The following NPIPB2 variants were observed in gnomAD, a reference collection of about 807,000 sequenced individuals.
NPIPB2 encodes the protein nuclear pore complex-interacting protein family member B2.
NPIPB2 carries 27 observed loss-of-function variants against 30.8 expected under a neutral mutation model. The ratio of observed to expected loss-of-function variants is 0.88; its 90% CI spans 0.65 to 1.21. The LOEUF (loss-of-function observed/expected upper bound fraction) is 1.21, where lower values mean the gene tolerates loss of function less well. Ranked by LOEUF, NPIPB2 falls within the 50% of genes most tolerant of loss-of-function variation. NPIPB2 has a pLI of 0.00. For missense variants in NPIPB2, 440 were observed against 446.2 expected, an observed-to-expected ratio of 0.99 and a Z score of 0.13; for synonymous variants, 147 against 162.0, an observed-to-expected ratio of 0.91 and a Z score of 0.70.
At chr16:11,932,468 C>G (rs2054802752) in intron 4 of NPIPB2, among the ~76,000 whole-genome samples, 1 of 151,514 alleles carries the variant, frequency 6.6e-6, no homozygotes, top group Admixed American at 6.6e-5. Flanking sequence ...ATGGTGAACC[C>G]CTGTCTCTAC....
intron 1 of NPIPB2, among the ~76,000 whole-genome samples, chr16:11,957,303 T>C (rs2055120028): frequency 6.6e-6 from 1 of 152,032 alleles, no homozygotes; most frequent in African/African-American, 2.4e-5. Context: ...TAGCTGGGAC[T>C]ACAGGCGTGT....
At chr16:11,946,078 G>A (rs1286132337), upstream of NPIPB2, among the ~76,000 whole-genome samples, 1 of 151,526 alleles carries the variant, frequency 6.6e-6, no homozygotes, top group Non-Finnish European at 1.5e-5. Context: ...AGAAAGAAAG[G>A]AAGGAAGGAA....
chr16:11,972,585 G>GA (rs1029685912), intron 1 of NPIPB2, among the ~76,000 whole-genome samples: 2 of 150,644 alleles, frequency 1.3e-5, no homozygotes, highest in African/African-American at 2.4e-5. Flanking sequence ...CAAAAAAAAA[G>GA]AAAAAAAAGC....
At chr16:11,975,504 C>G (rs1596512094) in intron 1 of NPIPB2, among the ~76,000 whole-genome samples, 1 of 152,076 alleles carries the variant, frequency 6.6e-6, no homozygotes, top group South Asian at 2.1e-4. Context: ...CATGTCTTGC[C>G]TGGACAACTG....
At chr16:11,962,059 G>T (rs1164155395) in intron 1 of NPIPB2, among the ~76,000 whole-genome samples, 1 of 151,904 alleles carries the variant, frequency 6.6e-6, no homozygotes, top group Non-Finnish European at 1.5e-5. Flanking sequence ...AATTAGCTGG[G>T]CATGGTGGCA....
chr16:11,940,598 G>A (rs867088250), intron 1 of NPIPB2, among the ~76,000 whole-genome samples: 10 of 134,960 alleles, frequency 7.4e-5, no homozygotes, highest in Middle Eastern at 7.4e-3. Context: ...TTAGCCAGGC[G>A]TGGTGGTCTA....
chr16:11,974,222 C>A (rs1257342846), intron 1 of NPIPB2, among the ~76,000 whole-genome samples: 1 of 152,104 alleles, frequency 6.6e-6, no homozygotes, highest in South Asian at 2.1e-4. Flanking sequence ...TTCATTATTA[C>A]AGAGAATGCT....
At chr16:11,972,499 T>G (rs2055241946) in intron 1 of NPIPB2, among the ~76,000 whole-genome samples, 1 of 151,508 alleles carries the variant, frequency 6.6e-6, no homozygotes, top group Non-Finnish European at 1.5e-5. Flanking sequence ...CACCTGAACC[T>G]GGGAGGCGGA....
intron 1 of NPIPB2, among the ~76,000 whole-genome samples, chr16:11,952,457 G>T (rs1252466460): frequency 2.6e-5 from 4 of 152,064 alleles, no homozygotes. Context: ...CTGTTGTCAT[G>T]TACATGATAT....
exon 8 of NPIPB2, chr16:11,927,547 C>A (rs574332477): frequency 5.0e-6 from 8 of 1,604,408 alleles, no homozygotes; most frequent in Admixed American, 3.3e-5. Context: ...CCGCTCTCCA[C>A]CTCTTGGGTT....
Position 11,941,965 on chromosome 16 carries a change from G to C in NPIPB2, c.63+18C>G, listed in dbSNP as rs1413850199. The C allele has an allele frequency of 2.0e-6, 2 of 1,024,226 alleles. No homozygotes were observed. Among genetic ancestry groups the C allele is most frequent in the African/African-American group, 3.3e-5 (2 of 60,784 alleles). The allele number at this position is 1,024,226 out of a possible 1,614,324, so 63.4% of individuals were successfully genotyped here. A position where few individuals can be genotyped will look rare whatever the true frequency, so the allele number is the denominator to read the frequency against. ...ATAAAAAACAAATGATGGCAGGATGGCAGGAAGAACCTCATACCCAAGCAG... is the reference window on the plus strand; with the variant it reads ...ATAAAAAACAAATGATGGCAGGATGCCAGGAAGAACCTCATACCCAAGCAG... On this transcript the variant is annotated intron_variant, in intron 1 of 7. Transcript: ENST00000399147.
chr16:11,927,650 G>T (rs773249518), exon 8 of NPIPB2: 29 of 1,598,616 alleles, frequency 1.8e-5, no homozygotes, highest in Non-Finnish European at 2.2e-5. Context: ...TGGAAGGGGA[G>T]TGAGCAGACA....
intron 1 of NPIPB2, among the ~76,000 whole-genome samples, chr16:11,954,987 C>G (rs1257596445): frequency 6.6e-6 from 1 of 152,034 alleles, no homozygotes; most frequent in African/African-American, 2.4e-5. Flanking sequence ...ATATCCATCA[C>G]CCATCAAATC....
chr16:11,933,105 A>C, intron 4 of NPIPB2, among the ~76,000 whole-genome samples: 1 of 151,922 alleles, frequency 6.6e-6, no homozygotes, highest in Non-Finnish European at 1.5e-5. Context: ...TAGTAAAAAT[A>C]CAAAAATTAG....
chr16:11,946,869 G>A (rs1189046965), upstream of NPIPB2, among the ~76,000 whole-genome samples: 5 of 151,490 alleles, frequency 3.3e-5, no homozygotes, highest in African/African-American at 9.7e-5. Flanking sequence ...ACAGGCGCCC[G>A]CCACCACACC....
intron 1 of NPIPB2, among the ~76,000 whole-genome samples, chr16:11,964,380 G>A (rs2055177049): frequency 6.6e-6 from 1 of 151,190 alleles, no homozygotes; most frequent in South Asian, 2.1e-4. Context: ...GGCATTGTGC[G>A]TCTTCCTTAG....
intron 1 of NPIPB2, among the ~76,000 whole-genome samples, chr16:11,962,495 C>A (rs1202886537): frequency 6.6e-6 from 1 of 151,292 alleles, no homozygotes; most frequent in Admixed American, 6.6e-5. Flanking sequence ...GCCTGTAGTC[C>A]CAGCTACTCT....
chr16:11,967,064 G>A lies in NPIPB2; in HGVS notation c.-584+9504C>T, dbSNP rs748658659. On this transcript the variant is annotated intron_variant, in intron 1 of 5. Transcript: ENST00000538896. ...GGCCCAGGCTGGAGTGCAGTGGCGT[G>A]ATCTCAACTCACTGCAGCCTCTGCC... The A allele has an allele frequency of 9.8e-4, 218 of 221,616 alleles. 1 individual carries two copies. The highest frequency in any genetic ancestry group is 1.7e-3 in the Non-Finnish European group (177 of 107,052). 13.7% of individuals were successfully genotyped at this position (221,616 alleles called of 1,614,324 possible).
rs963344929 is a variant in NPIPB2 at position 11,952,032 on chromosome 16, G to C, written c.-583-9918C>G. On this transcript the variant is annotated intron_variant, in intron 1 of 5. Transcript: ENST00000538896. ...AAATTAGCCGGGCGTAGTGGCGGGC[G>C]CCTGTAGTCCCAGCTACTTGGGAGG... Among the ~76,000 whole-genome samples, 15 of 151,810 alleles carry C rather than the reference G, an allele frequency of 9.9e-5. No individual in the cohort carries two copies. In the South Asian group the frequency reaches 3.1e-3, roughly 31 times the overall value.
Sources: allele counts gnomAD v4.1 joint callset (sites outside exome capture counted in the v4.1 genomes callset), GRCh38; gene constraint gnomAD v4.1.1; transcripts MANE v1.5; gene names NCBI Gene and HGNC (gene_info 2026-07-23, HGNC 2026-07-21).